Variants in DOCK9 observed in about 807,000 individuals in gnomAD.
The protein encoded by DOCK9 is dedicator of cytokinesis 9.
In DOCK9, 89 loss-of-function variants were observed where a neutral mutation model predicts 263.3. The ratio of observed to expected loss-of-function variants is 0.34; its 90% confidence interval spans 0.28 to 0.40. The LOEUF (loss-of-function observed/expected upper bound fraction) is 0.40, where lower values mean the gene tolerates loss of function less well. Ranked by LOEUF, DOCK9 falls within the 10% of genes least tolerant of loss-of-function variation. DOCK9 has a pLI of 1.00. For synonymous variants in DOCK9, 976 were observed against 973.1 expected, an observed-to-expected ratio of 1.00 and a Z score of -0.06; for missense variants, 2,140 against 2,603.4, an observed-to-expected ratio of 0.82 and a Z score of 3.87.
intron 2 of DOCK9, chr13:98,950,214 C>G (rs1323485049): frequency 4.8e-6 from 5 of 1,042,332 alleles, no homozygotes; most frequent in Non-Finnish European, 6.9e-6. Context: ...CTGGCAATTC[C>G]AAGGCATGAG....
At chr13:98,928,004 C>CAAAAAAAA (rs74265290) in intron 3 of DOCK9, among the ~76,000 whole-genome samples, 1 of 62,232 alleles carries the variant, frequency 1.6e-5, no homozygotes, top group African/African-American at 4.3e-5. Context: ...ATCGCACATA[C>CAAAAAAAA]AAAAAAAAAA....
intron 1 of DOCK9, among the ~76,000 whole-genome samples, chr13:98,970,862 T>C (rs1400382190): frequency 2.6e-5 from 4 of 152,008 alleles, no homozygotes; most frequent in East Asian, 1.9e-4. Flanking sequence ...CTGCCTAGAA[T>C]GCCCTGCTAA....
In DOCK9 at chr13:98,972,550, C is replaced by T. The variant is rs1160184534; in HGVS notation, c.126+5234G>A. Among the ~76,000 whole-genome samples, 8 of 152,270 alleles carry T rather than the reference C, an allele frequency of 5.3e-5. No homozygotes were observed. In the South Asian group the frequency reaches 1.2e-3, roughly 24 times the overall value. ...GCATGGTAATTAGATTCACTCGGAC[C>T]CTATCTAAGCATGCACTCCCCAAAG... On this transcript the variant is annotated intron_variant, in intron 1 of 52. Transcript: ENST00000682017.
intron 9 of DOCK9, among the ~76,000 whole-genome samples, chr13:98,909,861 G>C (rs1318642357): frequency 1.3e-5 from 2 of 152,168 alleles, no homozygotes; most frequent in African/African-American, 2.4e-5. Flanking sequence ...ATCTCCATGA[G>C]ACTATAAAGT....
intron 1 of DOCK9, among the ~76,000 whole-genome samples, chr13:99,020,397 A>T (rs998560838): frequency 3.3e-5 from 5 of 152,102 alleles, no homozygotes; most frequent in Admixed American, 2.6e-4. Context: ...TGCATTTTAG[A>T]CCTGGGAAAG....
intron 1 of DOCK9, among the ~76,000 whole-genome samples, chr13:99,010,649 T>C (rs866867248): frequency 6.6e-6 from 1 of 152,218 alleles, no homozygotes; most frequent in South Asian, 2.1e-4. Context: ...TCAACTGTGG[T>C]AGAATTACTA....
At position 99,008,235 on chromosome 13, in the gene DOCK9, T is replaced by TATATA. The variant is rs1491213376; in HGVS notation, c.130-52685_130-52684insTATAT. On this transcript the variant is annotated intron_variant, in intron 1 of 32. Coordinates refer to the DOCK9 transcript ENST00000427887. ...CTCTATATATATATATATATATATA[T>TATATA]TTTTTTTTTTTTTTGAGACGAAGTC... Among the ~76,000 whole-genome samples, 108 of 58,028 alleles carry TATATA rather than the reference T, an allele frequency of 1.9e-3. 1 individual carries two copies. Among genetic ancestry groups the TATATA allele is most frequent in the South Asian group, 3.5e-3 (5 of 1,424 alleles). 38.1% of individuals were successfully genotyped at this position (58,028 alleles called of 152,430 possible).
At chr13:99,070,961 A>T (rs1328049971) in intron 1 of DOCK9, among the ~76,000 whole-genome samples, 1 of 152,226 alleles carries the variant, frequency 6.6e-6, no homozygotes, top group Admixed American at 6.5e-5. Context: ...TTCATAAAAA[A>T]GTAAATAGTT....
chr13:99,015,433 A>G, intron 1 of DOCK9: 1 of 1,569,356 alleles, frequency 6.4e-7, no homozygotes. Context: ...TTAATTAAGC[A>G]AGATAGCATT....
At chr13:99,083,039 G>A (rs750196831) in intron 1 of DOCK9, among the ~76,000 whole-genome samples, 2 of 152,142 alleles carry the variant, frequency 1.3e-5, no homozygotes, top group Non-Finnish European at 2.9e-5. Flanking sequence ...CAGATCACCT[G>A]AGCTCAGGAG....
At chr13:98,950,172 G>A (rs527689414) in intron 2 of DOCK9, 2 of 804,546 alleles carry the variant, frequency 2.5e-6, no homozygotes, top group African/African-American at 3.4e-5. Context: ...TAATTCTTTG[G>A]ATGCGTAAAA....
intron 1 of DOCK9, among the ~76,000 whole-genome samples, chr13:99,005,936 A>T (rs528420477): frequency 6.6e-6 from 1 of 152,382 alleles, no homozygotes; most frequent in East Asian, 1.9e-4. Flanking sequence ...GGGAAAAGAC[A>T]AATAGTAAAT....
At chr13:99,085,508 T>G (rs1271090835) in intron 1 of DOCK9, among the ~76,000 whole-genome samples, 1 of 152,206 alleles carries the variant, frequency 6.6e-6, no homozygotes, top group East Asian at 1.9e-4. Context: ...CCCAGAGGCC[T>G]ATTCTCTAAA....
At chr13:98,886,439 C>G (rs916707823) in intron 19 of DOCK9, 93 bp downstream of exon 19, 7 of 922,040 alleles carry the variant, frequency 7.6e-6, no homozygotes, top group African/African-American at 1.7e-5. Context: ...GTGTAATATG[C>G]AGCTTCTCTT....
chr13:98,880,929 C>T (rs921793661), intron 25 of DOCK9, among the ~76,000 whole-genome samples: 4 of 152,030 alleles, frequency 2.6e-5, no homozygotes, highest in Non-Finnish European at 4.4e-5. Flanking sequence ...GTGCCAGGGG[C>T]TTCAAGGAAT....
chr13:98,886,098 C>T (rs923965957), intron 19 of DOCK9, among the ~76,000 whole-genome samples: 11 of 152,116 alleles, frequency 7.2e-5, no homozygotes, highest in African/African-American at 2.7e-4. Context: ...GCTAAGTTAC[C>T]ACAGCCAAGG....
chr13:98,888,360 C>G lies in DOCK9; in HGVS notation c.1977G>C (p.Lys659Asn), dbSNP rs1446997887. ...ATGAAACCTCCATCTTCACACTCACCTTGGCAAAAGACTTCTGACTGTCGT... is the reference window on the plus strand; with the variant it reads ...ATGAAACCTCCATCTTCACACTCACGTTGGCAAAAGACTTCTGACTGTCGT... ...LKYDSQKSFAKARNIAICIEF... is the reference protein window; with the variant it reads ...LKYDSQKSFANARNIAICIEF... Residue 659 changes from lysine (K) to asparagine (N), a missense_variant and splice_region_variant, in exon 17 of 53, where the codon AAG becomes AAC. Around this residue, in one of 2 missense-constraint regions of DOCK9, gnomAD observed 1,521 missense variants for 1,741.7 expected, o/e 0.87. Transcript: ENST00000682017. 1 of 1,612,272 alleles carries G rather than the reference C, an allele frequency of 6.2e-7. No individual in the cohort carries two copies. The highest frequency in any genetic ancestry group is 8.5e-7 in the Non-Finnish European group (1 of 1,178,844).
At chr13:98,796,794 AT>A (rs1469068234) in intron 52 of DOCK9, among the ~76,000 whole-genome samples, 1 of 152,102 alleles carries the variant, frequency 6.6e-6, no homozygotes, top group African/African-American at 2.4e-5. Flanking sequence ...CAGTATGGAT[AT>A]TTTCGTGTGA....
At chr13:98,885,245 A>C (rs2045499753) in intron 20 of DOCK9, 153 bp from the exon 21 acceptor site, 2 of 1,072,538 alleles carry the variant, frequency 1.9e-6, no homozygotes, top group East Asian at 5.2e-5. Flanking sequence ...ATCTCTGCAG[A>C]ACATTGTCTA....
Sources: allele counts gnomAD v4.1 joint callset (sites outside exome capture counted in the v4.1 genomes callset), GRCh38; gene constraint gnomAD v4.1.1; regional missense constraint gnomAD v4.1.1; transcripts MANE v1.5; gene names NCBI Gene and HGNC (gene_info 2026-07-23, HGNC 2026-07-21).